The following OTUD7A variants were observed in gnomAD, a reference collection of about 807,000 sequenced individuals.
OTUD7A encodes OTU domain-containing protein 7A.
In OTUD7A, 12 loss-of-function variants were observed where a neutral mutation model predicts 65.7. The observed-to-expected ratio is 0.18, with a 90% CI of 0.12 to 0.30. The LOEUF (loss-of-function observed/expected upper bound fraction) is 0.30, where lower values mean the gene tolerates loss of function less well. OTUD7A is among the 10% of genes least tolerant of loss of function. OTUD7A has a pLI of 1.00. For synonymous variants in OTUD7A, 641 were observed against 586.3 expected, an observed-to-expected ratio of 1.09 and a Z score of -1.35; for missense variants, 1,148 against 1,304.8, an observed-to-expected ratio of 0.88 and a Z score of 1.85.
intron 1 of OTUD7A, among the ~76,000 whole-genome samples, chr15:31,734,448 A>G (rs1318316311): frequency 2.0e-5 from 3 of 152,200 alleles, no homozygotes; most frequent in South Asian, 2.1e-4. Context: ...AATAGCCAAG[A>G]TAATCATAAG....
chr15:31,794,304 T>A (rs1487883051), intron 1 of OTUD7A, among the ~76,000 whole-genome samples: 1 of 152,248 alleles, frequency 6.6e-6, no homozygotes, highest in Non-Finnish European at 1.5e-5. Context: ...TCACTATAGA[T>A]TTGCAGTATG....
At chr15:31,671,368 G>A (rs1437263846) in intron 1 of OTUD7A, among the ~76,000 whole-genome samples, 1 of 152,168 alleles carries the variant, frequency 6.6e-6, no homozygotes, top group Non-Finnish European at 1.5e-5. Context: ...AAATCAGATG[G>A]TTGCAGATGT....
intron 3 of OTUD7A, among the ~76,000 whole-genome samples, chr15:31,581,469 C>T (rs144016179): frequency 0.016 from 2,411 of 152,364 alleles, 64 homozygotes; most frequent in African/African-American, 0.055. Flanking sequence ...CAGAGGTTCT[C>T]CATGAGGGTT....
chr15:31,587,254 T>C (rs1447467441), intron 3 of OTUD7A, among the ~76,000 whole-genome samples: 1 of 152,178 alleles, frequency 6.6e-6, no homozygotes, highest in Non-Finnish European at 1.5e-5. Flanking sequence ...GCTTGGATTA[T>C]TGCCAGAGGC....
chr15:31,562,781 C>T lies in OTUD7A; in HGVS notation c.332-3594G>A, dbSNP rs150683578. ...TCTCAACTACTCACCTCTGTCTTTG[C>T]AGCACTAAAGCCGTCGAAGACAGTA... On this transcript the variant is annotated intron_variant, in intron 4 of 12. Transcript: ENST00000307050. Among the ~76,000 whole-genome samples, 251 of 152,270 alleles carry T rather than the reference C, an allele frequency of 1.6e-3. 1 individual carries two copies. The highest frequency in any genetic ancestry group is 5.7e-3 in the African/African-American group (236 of 41,540).
chr15:31,679,161 G>A (rs1433135474), intron 1 of OTUD7A, among the ~76,000 whole-genome samples: 1 of 152,164 alleles, frequency 6.6e-6, no homozygotes, highest in Non-Finnish European at 1.5e-5. Context: ...CTCCAATTTG[G>A]AATGGCTGTA....
intron 3 of OTUD7A, among the ~76,000 whole-genome samples, chr15:31,630,526 T>C (rs908024071): frequency 6.6e-6 from 1 of 152,134 alleles, no homozygotes; most frequent in African/African-American, 2.4e-5. Context: ...GTGGTCAATT[T>C]TGGAATAGGT....
At chr15:31,511,855 T>G (rs909428101) in intron 8 of OTUD7A, among the ~76,000 whole-genome samples, 1 of 151,848 alleles carries the variant, frequency 6.6e-6, no homozygotes, top group Non-Finnish European at 1.5e-5. Context: ...TTTTGAGGTT[T>G]AACCCCCGAC....
intron 1 of OTUD7A, among the ~76,000 whole-genome samples, chr15:31,722,146 G>A (rs1303375982): frequency 6.6e-6 from 1 of 152,192 alleles, no homozygotes; most frequent in Admixed American, 6.5e-5. Context: ...ATACCATAGG[G>A]AGTGAAGGGC....
chr15:31,649,189 G>A (rs115887521), intron 3 of OTUD7A, among the ~76,000 whole-genome samples: 3,890 of 152,208 alleles, frequency 0.026, 162 homozygotes, highest in African/African-American at 0.089. Flanking sequence ...CAGTCTTGAC[G>A]CCAGTTTTTG....
At chr15:31,603,168 C>T (rs910204135) in intron 3 of OTUD7A, among the ~76,000 whole-genome samples, 2 of 152,186 alleles carry the variant, frequency 1.3e-5, no homozygotes, top group African/African-American at 4.8e-5. Flanking sequence ...AAGCTGGGGG[C>T]ATCACGCTAC....
intron 1 of OTUD7A, among the ~76,000 whole-genome samples, chr15:31,856,975 C>T (rs768146394): frequency 3.3e-5 from 5 of 152,202 alleles, no homozygotes; most frequent in South Asian, 2.1e-4. Flanking sequence ...TAATAGTTGA[C>T]GGCCGGCAAA....
intron 1 of OTUD7A, among the ~76,000 whole-genome samples, chr15:31,712,677 CT>C (rs1427837347): frequency 2.0e-5 from 2 of 101,578 alleles, no homozygotes; most frequent in East Asian, 5.3e-4. Flanking sequence ...ATCCTGGTCC[CT>C]TTCCTCACTC....
intron 8 of OTUD7A, among the ~76,000 whole-genome samples, chr15:31,506,091 T>C: frequency 6.6e-6 from 1 of 151,968 alleles, no homozygotes. Context: ...AGAAAAAGGG[T>C]TATTTATTTT....
At chr15:31,744,610 G>A (rs1263336395) in intron 1 of OTUD7A, among the ~76,000 whole-genome samples, 1 of 152,076 alleles carries the variant, frequency 6.6e-6, no homozygotes, top group East Asian at 1.9e-4. Context: ...ACTTTATGAT[G>A]AAACGTTGAA....
chr15:31,621,927 G>C (rs575923101), intron 3 of OTUD7A, among the ~76,000 whole-genome samples: 10 of 152,212 alleles, frequency 6.6e-5, no homozygotes, highest in African/African-American at 2.2e-4. Flanking sequence ...CACATTTAGT[G>C]CTTCCTTCAG....
intron 1 of OTUD7A, among the ~76,000 whole-genome samples, chr15:31,835,759 C>T (rs1377226513): frequency 2.0e-5 from 3 of 151,380 alleles, no homozygotes; most frequent in Admixed American, 6.6e-5. Flanking sequence ...TACACACATA[C>T]ATATATCTGT....
chr15:31,613,551 T>C (rs1263809075), intron 3 of OTUD7A, among the ~76,000 whole-genome samples: 1 of 152,076 alleles, frequency 6.6e-6, no homozygotes, highest in African/African-American at 2.4e-5. Flanking sequence ...GAAAAAATGC[T>C]CTACATCATT....
intron 10 of OTUD7A, among the ~76,000 whole-genome samples, chr15:31,495,862 T>C (rs59942460): frequency 0.016 from 2,439 of 152,098 alleles, 63 homozygotes; most frequent in African/African-American, 0.056. Context: ...GCTCAGGAGT[T>C]TGAGACCAGC....
Sources: gnomAD v4.1 joint callset for allele counts (sites outside exome capture counted in the v4.1 genomes callset) on GRCh38, gnomAD v4.1.1 for gene constraint, MANE v1.5 for transcripts, NCBI Gene and HGNC (gene_info 2026-07-23, HGNC 2026-07-21) for gene names.